Variants in ARID4B observed in about 807,000 individuals in gnomAD.
ARID4B encodes the protein AT-rich interaction domain 4B, also known as AT-rich interactive domain-containing protein 4B.
A neutral mutation model predicts 147.5 loss-of-function variants in ARID4B; 26 were observed. That is an observed-to-expected ratio of 0.18 (90% CI 0.13 to 0.24). The LOEUF (loss-of-function observed/expected upper bound fraction) is 0.24. Among genes scored for constraint, ARID4B ranks in the 10% least tolerant of loss-of-function variants. The pLI is 1.00. For synonymous variants in ARID4B, 512 were observed against 507.9 expected, an observed-to-expected ratio of 1.01 and a Z score of -0.11; for missense variants, 1,179 against 1,511.5, an observed-to-expected ratio of 0.78 and a Z score of 3.65.
chr1:235,232,825 AT>A (rs1011648617), intron 9 of ARID4B, among the ~76,000 whole-genome samples: 3 of 150,308 alleles, frequency 2.0e-5, no homozygotes, highest in East Asian at 3.9e-4. Flanking sequence ...TTGGTTCTAC[AT>A]TTTTTTTTGT....
At chr1:235,326,840 C>G (rs1396018311) in intron 2 of ARID4B, 74 bp downstream of exon 2, 1 of 1,580,970 alleles carries the variant, frequency 6.3e-7, no homozygotes, top group Non-Finnish European at 8.7e-7. Context: ...AAGCCCCACA[C>G]GACGACCTCG....
chr1:235,263,430 T>A (rs1051662796), intron 2 of ARID4B, among the ~76,000 whole-genome samples: 2 of 152,194 alleles, frequency 1.3e-5, no homozygotes, highest in Non-Finnish European at 2.9e-5. Context: ...ACTAGCAACA[T>A]TTCAACTACA....
At chr1:235,245,961 T>G (rs1669277137) in intron 7 of ARID4B, among the ~76,000 whole-genome samples, 1 of 152,092 alleles carries the variant, frequency 6.6e-6, no homozygotes, top group Non-Finnish European at 1.5e-5. Flanking sequence ...GCCAGAGAAT[T>G]GGGTTTACAG....
chr1:235,298,267 T>C (rs1291044038), intron 2 of ARID4B, among the ~76,000 whole-genome samples: 1 of 152,116 alleles, frequency 6.6e-6, no homozygotes, highest in African/African-American at 2.4e-5. Context: ...AACTTTATTT[T>C]TGTATGTTGT....
intron 2 of ARID4B, among the ~76,000 whole-genome samples, chr1:235,288,976 A>G (rs1572162490): frequency 6.6e-5 from 10 of 152,250 alleles, no homozygotes. Context: ...TAGCAATGCA[A>G]TATCTTAACA....
chr1:235,264,889 T>C (rs4659722), intron 2 of ARID4B, among the ~76,000 whole-genome samples: 44,304 of 151,142 alleles, frequency 0.29, 7,626 homozygotes, highest in South Asian at 0.54. Flanking sequence ...TGAAACCCCA[T>C]CTCTACTTAA....
intron 17 of ARID4B, among the ~76,000 whole-genome samples, chr1:235,202,119 T>C (rs1206024116): frequency 6.6e-6 from 1 of 151,470 alleles, no homozygotes; most frequent in Non-Finnish European, 1.5e-5. Context: ...TTACAAATCA[T>C]AATTGGCCTT....
intron 4 of ARID4B, among the ~76,000 whole-genome samples, chr1:235,256,513 G>C (rs192363316): frequency 4.0e-4 from 61 of 152,290 alleles, no homozygotes; most frequent in African/African-American, 1.4e-3. Context: ...TTCTCTTTTA[G>C]CTTGCTCACT....
chr1:235,272,130 T>G (rs189639970), intron 2 of ARID4B, among the ~76,000 whole-genome samples: 1 of 152,178 alleles, frequency 6.6e-6, no homozygotes, highest in Non-Finnish European at 1.5e-5. Flanking sequence ...CCACACAACA[T>G]GTATTAAACA....
intron 2 of ARID4B, among the ~76,000 whole-genome samples, chr1:235,325,331 T>C (rs1332063208): frequency 4.0e-5 from 6 of 151,824 alleles, no homozygotes; most frequent in Non-Finnish European, 5.9e-5. Context: ...GGCTAAAGTT[T>C]CCAACATACT....
intron 13 of ARID4B, among the ~76,000 whole-genome samples, chr1:235,222,397 T>C (rs1172121833): frequency 6.6e-6 from 1 of 152,230 alleles, no homozygotes; most frequent in Non-Finnish European, 1.5e-5. Context: ...TAGAATATTC[T>C]CAATTGGATA....
intron 2 of ARID4B, among the ~76,000 whole-genome samples, chr1:235,326,511 T>C (rs897950132): frequency 6.6e-6 from 1 of 152,258 alleles, no homozygotes; most frequent in Non-Finnish European, 1.5e-5. Context: ...AGTTTTCTGC[T>C]AAAATTTTAC....
chr1:235,299,260 C>CTGG (rs1191676171), intron 2 of ARID4B, among the ~76,000 whole-genome samples: 5 of 152,226 alleles, frequency 3.3e-5, no homozygotes, highest in African/African-American at 1.2e-4. Flanking sequence ...GTCACCCAGG[C>CTGG]TGGAGTGCAA....
chr1:235,233,182 T>C (rs1220802857), intron 9 of ARID4B, among the ~76,000 whole-genome samples: 2 of 152,112 alleles, frequency 1.3e-5, no homozygotes, highest in Admixed American at 6.5e-5. Context: ...GTGCAGAGGC[T>C]CACGCCTGTA....
chr1:235,226,040 G>A (rs1200879075), intron 11 of ARID4B, among the ~76,000 whole-genome samples: 1 of 152,006 alleles, frequency 6.6e-6, no homozygotes, highest in Admixed American at 6.5e-5. Context: ...ATGTTCCCAT[G>A]GTACAATATT....
chr1:235,229,239 CACT>C lies in ARID4B; in HGVS notation c.886_888del (p.Ser296del). 1 of 1,610,022 alleles carries C rather than the reference CACT, an allele frequency of 6.2e-7. No individual in the cohort carries two copies. Among genetic ancestry groups the C allele is most frequent in the Non-Finnish European group, 8.5e-7 (1 of 1,178,102 alleles). On this transcript the variant is annotated inframe_deletion, in exon 11 of 24. Coordinates refer to ENST00000264183, the MANE Select transcript of ARID4B (RefSeq NM_016374.6). ...CAACTGTTTTCACTTACTTCTTCTTCACTGCTATTATCCTCCTTTTCTTTTTCA... is the reference window on the plus strand; with the variant it reads ...CAACTGTTTTCACTTACTTCTTCTTCGCTATTATCCTCCTTTTCTTTTTCA...
intron 8 of ARID4B, among the ~76,000 whole-genome samples, chr1:235,235,555 T>C (rs1428794461): frequency 6.6e-6 from 1 of 152,214 alleles, no homozygotes; most frequent in East Asian, 1.9e-4. Flanking sequence ...ATGCATTTTA[T>C]CCCATTCACC....
intron 17 of ARID4B, among the ~76,000 whole-genome samples, chr1:235,204,861 G>A (rs1342382903): frequency 2.6e-5 from 4 of 152,088 alleles, no homozygotes; most frequent in Non-Finnish European, 5.9e-5. Flanking sequence ...ATTCTAAGAT[G>A]AATACACAAA....
intron 17 of ARID4B, among the ~76,000 whole-genome samples, chr1:235,210,145 C>A (rs1307485490): frequency 6.6e-6 from 1 of 151,878 alleles, no homozygotes; most frequent in Non-Finnish European, 1.5e-5. Context: ...GAGGATCACT[C>A]GAGCCCAAGA....
Sources: allele counts gnomAD v4.1 joint callset (sites outside exome capture counted in the v4.1 genomes callset), GRCh38; gene constraint gnomAD v4.1.1; transcripts MANE v1.5; gene names NCBI Gene and HGNC (gene_info 2026-07-23, HGNC 2026-07-21).